The following CROCC2 variants were observed in gnomAD, a reference collection of about 807,000 sequenced individuals.
CROCC2 encodes ciliary rootlet coiled-coil, rootletin family member 2.
CROCC2 carries 163 observed loss-of-function variants against 177.6 expected under a neutral mutation model. The ratio of observed to expected loss-of-function variants is 0.92; its 90% CI spans 0.81 to 1.05. CROCC2 has a LOEUF of 1.05. Among genes scored for constraint, CROCC2 ranks in the 50% least tolerant of loss-of-function variants. The pLI, the probability that CROCC2 is intolerant of heterozygous loss-of-function variation, is 0.00. For synonymous variants in CROCC2, 904 were observed against 787.3 expected (o/e 1.15, Z -2.48); for missense variants, 1,929 against 1,797.8 (o/e 1.07, Z -1.32).
At chr2:240,987,278 C>T (rs887980385) in intron 28 of CROCC2, among the ~76,000 whole-genome samples, 3 of 152,140 alleles carry the variant, frequency 2.0e-5, no homozygotes, top group African/African-American at 7.2e-5. Flanking sequence ...AGGGAAGGAA[C>T]AGCTAATGAG....
At position 240,966,958 on chromosome 2, in the gene CROCC2, G is replaced by A. The variant is rs182684546; in HGVS notation, c.4147-387G>A. On this transcript the variant is annotated intron_variant, in intron 25 of 31. Coordinates refer to ENST00000690015, the MANE Select transcript of CROCC2 (RefSeq NM_001351305.2). ...TTCCCTTCGGGCCCACCCTCCCACC[G>A]CTGCCAGCCCCAGGGGGCAGGGTCC... 1.3e-3 allele frequency among the ~76,000 whole-genome samples: 196 copies of A among 150,798 alleles called. 1 individual carries two copies. The highest frequency in any genetic ancestry group is 6.0e-3 in the Admixed American group (91 of 15,212).
chr2:240,916,118 G>T (rs2059318626), intron 1 of CROCC2, among the ~76,000 whole-genome samples: 1 of 152,092 alleles, frequency 6.6e-6, no homozygotes, highest in African/African-American at 2.4e-5. Flanking sequence ...AGTGGGCGGT[G>T]CCGACCCTCA....
intron 31 of CROCC2, among the ~76,000 whole-genome samples, chr2:240,991,920 G>A (rs1490934125): frequency 3.9e-5 from 6 of 152,230 alleles, no homozygotes; most frequent in Admixed American, 2.6e-4. Context: ...GTGAGCCTCC[G>A]CATCCAGGAA....
At chr2:240,930,487 G>T (rs1321194715) in intron 6 of CROCC2, among the ~76,000 whole-genome samples, 3 of 152,256 alleles carry the variant, frequency 2.0e-5, no homozygotes, top group South Asian at 4.1e-4. Flanking sequence ...GGACAAACAG[G>T]CCAGGGAGGT....
At chr2:240,938,790 G>A (rs1233501593) in intron 14 of CROCC2, among the ~76,000 whole-genome samples, 1 of 151,926 alleles carries the variant, frequency 6.6e-6, no homozygotes, top group Non-Finnish European at 1.5e-5. Context: ...TCTTTGATTA[G>A]GTTAATTCTA....
In CROCC2 at chr2:240,949,473, C is replaced by T. The variant is rs1559601071; in HGVS notation, c.2483-60C>T. ...CCAAGACTGTCACTCCCTAGGAAGT[C>T]CCAAAGGGTTCAGGGGTCCACATGC... On this transcript the variant is annotated intron_variant, in intron 16 of 31. Coordinates refer to ENST00000690015, the MANE Select transcript of CROCC2 (RefSeq NM_001351305.2). This position sits in a 1 kb window ranked among gnomAD's most constrained non-coding sequence, Gnocchi z 4.5. The T allele has an allele frequency of 3.9e-6, 6 of 1,524,710 alleles. No individual in the cohort carries two copies. Among genetic ancestry groups the T allele is most frequent in the Non-Finnish European group, 4.4e-6 (5 of 1,127,694 alleles). 94.4% of individuals were successfully genotyped at this position (1,524,710 alleles called of 1,614,324 possible). A position where few individuals can be genotyped will look rare whatever the true frequency, so the allele number is the denominator to read the frequency against.
intron 29 of CROCC2, 28 bp from the exon 30 acceptor site, chr2:240,989,626 C>A: frequency 6.6e-7 from 1 of 1,525,068 alleles, no homozygotes; most frequent in Non-Finnish European, 8.9e-7. Context: ...TGAGAGACAG[C>A]AGTGAGATGC....
In CROCC2 at chr2:240,959,296, C is replaced by A; in HGVS notation, c.2944-5C>A. ...GTGCCACCGTGGGCTCCCTTCTCCC[C>A]GCAGGCCACCATCAGTGCCACGACT... On this transcript the variant is annotated splice_region_variant and splice_polypyrimidine_tract_variant and intron_variant, in intron 19 of 31. Coordinates refer to ENST00000690015, the MANE Select transcript of CROCC2 (RefSeq NM_001351305.2). The A allele has an allele frequency of 1.9e-6, 3 of 1,550,112 alleles. No individual in the cohort carries two copies. The highest frequency in any genetic ancestry group is 2.6e-6 in the Non-Finnish European group (3 of 1,146,738).
At chr2:240,964,149 C>T (rs1176270480) in intron 21 of CROCC2, 2 of 536,506 alleles carry the variant, frequency 3.7e-6, no homozygotes, top group Non-Finnish European at 6.7e-6. Flanking sequence ...ACAGCCCTCA[C>T]AGCAGGTGGC....
rs1480719349 is a variant in CROCC2, at chr2:240,931,081, G to A, written c.900G>A (p.Leu300=). 1.4e-6 allele frequency: 1 copy of A among 716,134 alleles called. No homozygotes were observed. The highest frequency in any genetic ancestry group is 2.0e-5 in the Admixed American group (1 of 49,968). The allele number at this position is 716,134 out of a possible 1,614,324, so 44.4% of individuals were successfully genotyped here. Residue 300 remains leucine (L), a synonymous_variant, in exon 7 of 32, where the codon CTG becomes CTA. Transcript: ENST00000690015. ...QQLRDKAGEM[L]QLQGRWDAEK... ...TTCGGGACAAGGCTGGGGAGATGCT[G>A]CAGCTGCAGGGCCGCTGGGACGCAG...
rs779673405 is a variant in CROCC2 at position 240,968,173 on chromosome 2, C to T, written c.4312C>T (p.Arg1438Cys). Reference protein sequence around the residue: ...EGALSSARAARALQKEALRRL... With the variant: ...EGALSSARAACALQKEALRRL... ...CGCGCTGAGCAGCGCCCGGGCAGCA[C>T]GTGCCCTGCAGAAGGAGGCGCTCCG... The change falls in exon 27 of 32, where the codon CGT becomes TGT. Residue 1438 changes from arginine to cysteine, a missense_variant. Arg to Cys is a radical substitution (Grantham distance 180, BLOSUM62 -3). Around this residue, in one of 3 missense-constraint regions of CROCC2, gnomAD observed 388 missense variants for 352.7 expected, o/e 1.10. Transcript: ENST00000690015. 129 of 1,530,214 alleles carry T rather than the reference C, an allele frequency of 8.4e-5. No homozygotes were observed. The highest frequency in any genetic ancestry group is 7.5e-4 in the Middle Eastern group (4 of 5,322). The allele number at this position is 1,530,214 out of a possible 1,614,324, so 94.8% of individuals were successfully genotyped here. A position where few individuals can be genotyped will look rare whatever the true frequency, so the allele number is the denominator to read the frequency against.
chr2:240,962,411 G>A (rs2059649187), intron 20 of CROCC2, among the ~76,000 whole-genome samples: 1 of 152,122 alleles, frequency 6.6e-6, no homozygotes, highest in South Asian at 2.1e-4. Context: ...CCTTTTGCTG[G>A]TCCTTGACCT....
At chr2:240,956,620 G>A (rs2059592018) in intron 19 of CROCC2, among the ~76,000 whole-genome samples, 1 of 152,244 alleles carries the variant, frequency 6.6e-6, no homozygotes, top group Non-Finnish European at 1.5e-5. Flanking sequence ...CTCCCCTGGA[G>A]CCCAAGTCCA....
chr2:240,916,396 G>T (rs1417457588), intron 1 of CROCC2, among the ~76,000 whole-genome samples: 2 of 23,770 alleles, frequency 8.4e-5, no homozygotes, highest in Admixed American at 9.9e-4. Context: ...CCCCCTGCTC[G>T]CCCCCTCCTT....
chr2:240,985,791 C>T (rs2059837262), intron 28 of CROCC2: 4 of 360,640 alleles, frequency 1.1e-5, no homozygotes, highest in Admixed American at 6.5e-5. Flanking sequence ...CACACCCAGG[C>T]ACCCACTCCA....
chr2:240,958,588 G>A lies in CROCC2; in HGVS notation c.2944-713G>A. 1.0e-6 allele frequency: 1 copy of A among 985,308 alleles called. No individual in the cohort carries two copies. The highest frequency in any genetic ancestry group is 1.2e-6 in the Non-Finnish European group (1 of 829,812). The allele number at this position is 985,308 out of a possible 1,614,324, so 61.0% of individuals were successfully genotyped here. On this transcript the variant is annotated intron_variant, in intron 19 of 31. Transcript: ENST00000690015. The surrounding 1 kb of genome is among the most constrained non-coding windows in gnomAD (Gnocchi z 6.7). ...ATCCCCCACCAGCCGCCCCCCGCCA[G>A]CCGCCTGCTGCTGCCTGGAGGCTTG...
chr2:240,949,772 G>C lies in CROCC2; in HGVS notation c.2652+70G>C. The C allele has an allele frequency of 7.0e-7, 1 of 1,435,728 alleles. No individual in the cohort carries two copies. The highest frequency in any genetic ancestry group is 1.3e-5 in the South Asian group (1 of 74,180). The allele number at this position is 1,435,728 out of a possible 1,614,324, so 88.9% of individuals were successfully genotyped here. A position where few individuals can be genotyped will look rare whatever the true frequency, so the allele number is the denominator to read the frequency against. On this transcript the variant is annotated intron_variant, in intron 17 of 31. Transcript: ENST00000690015. This position sits in a 1 kb window ranked among gnomAD's most constrained non-coding sequence, Gnocchi z 4.5. The stretch of plus-strand genomic sequence containing the variant: ...AGGTCCCGGGGAATGGCAGGCCCTT[G>C]GGAGGAGGGGGCCCTGGGAGACAGA...
chr2:240,928,180 C>A (rs1042940808), intron 5 of CROCC2, among the ~76,000 whole-genome samples: 4 of 152,118 alleles, frequency 2.6e-5, no homozygotes, highest in Non-Finnish European at 4.4e-5. Context: ...TTCTTTGAAA[C>A]CTGAGGTGAA....
rs556556845 is a variant in CROCC2, at chr2:240,968,198, G to T, written c.4337G>T (p.Arg1446Leu). The T allele has an allele frequency of 6.5e-7, 1 of 1,532,942 alleles. No individual in the cohort carries two copies. Among genetic ancestry groups the T allele is most frequent in the Non-Finnish European group, 8.7e-7 (1 of 1,145,186 alleles). The allele number at this position is 1,532,942 out of a possible 1,614,324, so 95.0% of individuals were successfully genotyped here. A position where few individuals can be genotyped will look rare whatever the true frequency, so the allele number is the denominator to read the frequency against. ...CGTGCCCTGCAGAAGGAGGCGCTCC[G>T]CAGGCTGGAGTTGGAGCACCTGGCG... is the stretch of plus-strand genomic sequence containing the variant. ...AARALQKEAL[R>L]RLELEHLASV... The change falls in exon 27 of 32, where the codon CGC becomes CTC. Residue 1446 changes from arginine (R) to leucine (L), a missense_variant. Transcript: ENST00000690015.
Sources: allele counts gnomAD v4.1 joint callset (sites outside exome capture counted in the v4.1 genomes callset), GRCh38; gene constraint gnomAD v4.1.1; regional missense constraint gnomAD v4.1.1; non-coding constraint Gnocchi (gnomAD v3.1); transcripts MANE v1.5; gene names NCBI Gene and HGNC (gene_info 2026-07-23, HGNC 2026-07-21).